CSNK2A2IP: variants seen among roughly 807,000 people sequenced by gnomAD.
CSNK2A2IP encodes casein kinase II subunit alpha'-interacting protein.
At chr3:88,365,447 C>T in the CSNK2A2IP span, among the ~76,000 whole-genome samples, 3 of 152,134 alleles carry the variant, frequency 2.0e-5, no homozygotes, top group African/African-American at 7.2e-5. Context: ...TTCTTTGGGC[C>T]TTAAGGAAAA....
chr3:88,421,866 T>A, the CSNK2A2IP span, among the ~76,000 whole-genome samples: 2 of 152,200 alleles, frequency 1.3e-5, no homozygotes, highest in African/African-American at 4.8e-5. Flanking sequence ...AGGATGACTT[T>A]TACCAGAAAC....
chr3:88,388,266 G>A, the CSNK2A2IP span, among the ~76,000 whole-genome samples: 1 of 152,036 alleles, frequency 6.6e-6, no homozygotes, highest in Admixed American at 6.5e-5. Context: ...ATGAAACAGT[G>A]GTCTGTTTAA....
the CSNK2A2IP span, among the ~76,000 whole-genome samples, chr3:88,441,516 G>A: frequency 0.014 from 2,084 of 152,180 alleles, 38 homozygotes; most frequent in African/African-American, 0.048. Context: ...TATATGTTGC[G>A]TTAAATACTT....
At chr3:88,449,848 C>T in the CSNK2A2IP span, among the ~76,000 whole-genome samples, 1,698 of 85,602 alleles carry the variant, frequency 0.02, 12 homozygotes, top group Non-Finnish European at 0.029. Context: ...CACACACACA[C>T]ACACACATAT....
chr3:88,435,181 T>A, the CSNK2A2IP span, among the ~76,000 whole-genome samples: 1 of 152,146 alleles, frequency 6.6e-6, no homozygotes, highest in Non-Finnish European at 1.5e-5. Flanking sequence ...ATTCCCCATA[T>A]TGTTGAAGTA....
the CSNK2A2IP span, among the ~76,000 whole-genome samples, chr3:88,385,323 T>C: frequency 6.6e-6 from 1 of 152,146 alleles, no homozygotes; most frequent in Non-Finnish European, 1.5e-5. Context: ...GAGCTAATGC[T>C]GCTGAGTCAT....
the CSNK2A2IP span, among the ~76,000 whole-genome samples, chr3:88,424,809 C>CTTT: frequency 1.5e-4 from 22 of 151,184 alleles, no homozygotes; most frequent in South Asian, 6.3e-4. Flanking sequence ...TTTAACAAAG[C>CTTT]TTTTTTTTTC....
chr3:88,420,089 G>A, the CSNK2A2IP span, among the ~76,000 whole-genome samples: 8 of 152,150 alleles, frequency 5.3e-5, no homozygotes, highest in Admixed American at 3.3e-4. Context: ...ATAGGGCTTG[G>A]ATATTGGTAT....
At chr3:88,442,512 A>T in the CSNK2A2IP span, among the ~76,000 whole-genome samples, 5 of 152,188 alleles carry the variant, frequency 3.3e-5, no homozygotes, top group Non-Finnish European at 7.3e-5. Context: ...TATATGAGAC[A>T]GTGGTAGTTG....
the CSNK2A2IP span, among the ~76,000 whole-genome samples, chr3:88,394,883 G>C: frequency 6.6e-6 from 1 of 152,196 alleles, no homozygotes; most frequent in Non-Finnish European, 1.5e-5. Context: ...CTACTTGAGA[G>C]AGGAGAGGGT....
At chr3:88,419,967 C>G in the CSNK2A2IP span, among the ~76,000 whole-genome samples, 10 of 152,116 alleles carry the variant, frequency 6.6e-5, no homozygotes, top group African/African-American at 2.4e-4. Flanking sequence ...AGGAAAAAAA[C>G]CAATACATTC....
the CSNK2A2IP span, among the ~76,000 whole-genome samples, chr3:88,375,900 C>T: frequency 6.6e-6 from 1 of 151,608 alleles, no homozygotes; most frequent in Non-Finnish European, 1.5e-5. Flanking sequence ...CTAAAATCAA[C>T]CCCATTTTGT....
chr3:88,408,976 C>T, the CSNK2A2IP span, among the ~76,000 whole-genome samples: 6 of 151,872 alleles, frequency 4.0e-5, no homozygotes, highest in Non-Finnish European at 8.8e-5. Flanking sequence ...GAAAAGGGGC[C>T]CAGGAATAGT....
At chr3:88,418,553 C>T in the CSNK2A2IP span, among the ~76,000 whole-genome samples, 1 of 151,964 alleles carries the variant, frequency 6.6e-6, no homozygotes, top group Non-Finnish European at 1.5e-5. Flanking sequence ...TATTTTACTA[C>T]TTACAATTAG....
At chr3:88,341,207 A>C in the CSNK2A2IP span, among the ~76,000 whole-genome samples, 2 of 151,896 alleles carry the variant, frequency 1.3e-5, no homozygotes, top group South Asian at 2.1e-4. Flanking sequence ...TAATCCAGAT[A>C]TATCTGGAGG....
At chr3:88,465,135 T>C in the CSNK2A2IP span, 2 of 377,094 alleles carry the variant, frequency 5.3e-6, no homozygotes, top group Non-Finnish European at 9.4e-6. Context: ...AAGAAAATAC[T>C]GAAGATAATC....
At chr3:88,346,506 C>G in the CSNK2A2IP span, among the ~76,000 whole-genome samples, 1 of 151,860 alleles carries the variant, frequency 6.6e-6, no homozygotes, top group African/African-American at 2.4e-5. Context: ...GATCCTTTAC[C>G]ATTTCAAAAA....
the CSNK2A2IP span, among the ~76,000 whole-genome samples, chr3:88,462,114 C>CATATATATATAT: frequency 4.3e-4 from 62 of 143,154 alleles, no homozygotes; most frequent in African/African-American, 1.4e-3. Context: ...GAGTTTTTTT[C>CATATATATATAT]ATATATATAT....
the CSNK2A2IP span, among the ~76,000 whole-genome samples, chr3:88,353,971 G>A: frequency 6.6e-6 from 1 of 152,176 alleles, no homozygotes; most frequent in Non-Finnish European, 1.5e-5. Context: ...ATCACAGGTT[G>A]TTGCAGTCCT....
Sources: gnomAD v4.1 joint callset for allele counts (sites outside exome capture counted in the v4.1 genomes callset) on GRCh38, gnomAD v4.1.1 for gene constraint, MANE v1.5 for transcripts, NCBI Gene and HGNC (gene_info 2026-07-23, HGNC 2026-07-21) for gene names.